The following TBC1D5 variants were observed in gnomAD, a reference collection of about 807,000 sequenced individuals.
The protein encoded by TBC1D5 is TBC1 domain family member 5.
In TBC1D5, 75 loss-of-function variants were observed where a neutral mutation model predicts 100.3. The ratio of observed to expected loss-of-function variants is 0.75; its 90% CI spans 0.62 to 0.91. The LOEUF (loss-of-function observed/expected upper bound fraction) is 0.91, where lower values mean the gene tolerates loss of function less well. Ranked by LOEUF, TBC1D5 falls within the 40% of genes least tolerant of loss-of-function variation. TBC1D5 has a pLI of 0.00. For missense variants in TBC1D5, 910 were observed against 942.4 expected (o/e 0.97, Z 0.45); for synonymous variants, 323 against 325.6 (o/e 0.99, Z 0.09).
At position 17,304,574 on chromosome 3, in the gene TBC1D5, A is replaced by G. The variant is rs115183839; in HGVS notation, c.1138+3418T>C. 2.8e-3 allele frequency among the ~76,000 whole-genome samples: 425 copies of G among 152,122 alleles called. 2 individuals are homozygous for G. The highest frequency in any genetic ancestry group is 9.6e-3 in the African/African-American group (400 of 41,498). On this transcript the variant is annotated intron_variant, in intron 14 of 21. Coordinates refer to ENST00000253692, the Ensembl canonical transcript of TBC1D5. ...AGGCACAAGCCACTATACCCGGCCA[A>G]ATTTTATTTTTTGTAGAGATGGGGT... is the stretch of plus-strand genomic sequence containing the variant.
At chr3:17,653,387 A>C (rs953985492) in intron 1 of TBC1D5, among the ~76,000 whole-genome samples, 5 of 152,180 alleles carry the variant, frequency 3.3e-5, no homozygotes, top group Admixed American at 6.5e-5. Context: ...TGATACACTG[A>C]GTGTATCAGA....
At chr3:17,171,159 G>T (rs370405866) in intron 19 of TBC1D5, among the ~76,000 whole-genome samples, 1 of 152,158 alleles carries the variant, frequency 6.6e-6, no homozygotes, top group South Asian at 2.1e-4. Flanking sequence ...GGGGTAAGTT[G>T]AGAAGGAGTG....
chr3:17,374,646 A>G lies in TBC1D5; in HGVS notation c.735T>C (p.Tyr245=), dbSNP rs1197073194. The G allele has an allele frequency of 2.5e-6, 4 of 1,611,248 alleles. No individual in the cohort carries two copies. In the African/African-American group the frequency reaches 5.3e-5, roughly 22 times the overall value. ...GTACTTACTAGGCATCATGTTCCAG[A>G]TACTCAGGGTTCAAGACAGTTTTCA... The change falls in exon 11 of 22, where the codon TAT becomes TAC. Residue 245 remains tyrosine, a synonymous_variant. Transcript: ENST00000253692.
intron 13 of TBC1D5, among the ~76,000 whole-genome samples, chr3:17,364,692 T>C (rs1432321071): frequency 2.6e-5 from 4 of 152,186 alleles, no homozygotes; most frequent in African/African-American, 9.7e-5. Flanking sequence ...CATTTATGTA[T>C]AGTACCATAA....
At chr3:17,641,295 A>C (rs1452496822) in intron 1 of TBC1D5, among the ~76,000 whole-genome samples, 6 of 152,046 alleles carry the variant, frequency 3.9e-5, no homozygotes, top group African/African-American at 1.4e-4. Flanking sequence ...AAATACACAA[A>C]CTACATTCTG....
At chr3:17,656,593 T>C (rs903169072) in intron 1 of TBC1D5, among the ~76,000 whole-genome samples, 1 of 152,132 alleles carries the variant, frequency 6.6e-6, no homozygotes, top group African/African-American at 2.4e-5. Context: ...ACACACATCT[T>C]TTAAACATGA....
intron 2 of TBC1D5, among the ~76,000 whole-genome samples, chr3:17,592,725 T>C (rs2060310427): frequency 6.6e-6 from 1 of 152,194 alleles, no homozygotes; most frequent in African/African-American, 2.4e-5. Flanking sequence ...CCAGTGGTCC[T>C]TGAGGTGTCA....
At chr3:17,157,500 C>T (rs1266258366) in exon 22 of TBC1D5, 1 of 152,292 alleles carries the variant, frequency 6.6e-6, no homozygotes, top group Non-Finnish European at 1.5e-5. Flanking sequence ...GTGCCATCCT[C>T]AATGTATCCG....
At chr3:17,472,285 C>T (rs181223093) in intron 3 of TBC1D5, among the ~76,000 whole-genome samples, 135 of 151,834 alleles carry the variant, frequency 8.9e-4, no homozygotes, top group African/African-American at 3.0e-3. Context: ...ACTACAGGCA[C>T]GCGCCACCAC....
intron 3 of TBC1D5, among the ~76,000 whole-genome samples, chr3:17,436,289 A>T (rs2094533998): frequency 6.6e-6 from 1 of 152,094 alleles, no homozygotes; most frequent in Admixed American, 6.5e-5. Flanking sequence ...GGTAAGAAAG[A>T]TTAAATGAGA....
chr3:17,429,183 A>G (rs1394804067), intron 3 of TBC1D5, among the ~76,000 whole-genome samples: 4 of 151,996 alleles, frequency 2.6e-5, no homozygotes, highest in Non-Finnish European at 5.9e-5. Flanking sequence ...TCAAAAATCT[A>G]TCATATTCAT....
chr3:17,369,253 T>C (rs916515471), intron 13 of TBC1D5, among the ~76,000 whole-genome samples: 1 of 151,574 alleles, frequency 6.6e-6, no homozygotes, highest in Admixed American at 6.6e-5. Context: ...AAAGACAGAG[T>C]TGGAAGGGCT....
At chr3:17,555,534 A>T (rs895161253) in intron 2 of TBC1D5, among the ~76,000 whole-genome samples, 1 of 152,164 alleles carries the variant, frequency 6.6e-6, no homozygotes, top group Non-Finnish European at 1.5e-5. Context: ...TCTCCTATTA[A>T]ATCTTTAAAA....
intron 8 of TBC1D5, among the ~76,000 whole-genome samples, chr3:17,385,269 G>A (rs1388941366): frequency 6.6e-6 from 1 of 152,058 alleles, no homozygotes; most frequent in Non-Finnish European, 1.5e-5. Context: ...TAGGTAATGA[G>A]ATTGCAAATC....
chr3:17,189,015 C>T (rs1430889035), intron 18 of TBC1D5, among the ~76,000 whole-genome samples: 1 of 152,188 alleles, frequency 6.6e-6, no homozygotes, highest in African/African-American at 2.4e-5. Context: ...GAAATAGACA[C>T]AGCTGGGTTC....
chr3:17,585,278 G>A (rs113255611), intron 2 of TBC1D5, among the ~76,000 whole-genome samples: 9 of 152,288 alleles, frequency 5.9e-5, no homozygotes, highest in Admixed American at 2.0e-4. Flanking sequence ...ATTCTAACTT[G>A]ATATTCAGGA....
At chr3:17,548,935 T>C (rs2096446546) in intron 2 of TBC1D5, among the ~76,000 whole-genome samples, 2 of 152,244 alleles carry the variant, frequency 1.3e-5, no homozygotes. Context: ...TTGAAAATTA[T>C]TTTAGACAGT....
chr3:17,210,883 A>G (rs1025347672), intron 18 of TBC1D5, among the ~76,000 whole-genome samples: 4 of 151,438 alleles, frequency 2.6e-5, no homozygotes, highest in African/African-American at 9.7e-5. Context: ...TTTATATTCT[A>G]TTTTCAGGGG....
At chr3:17,355,251 C>CT (rs1373216475) in intron 13 of TBC1D5, among the ~76,000 whole-genome samples, 1 of 152,156 alleles carries the variant, frequency 6.6e-6, no homozygotes, top group Non-Finnish European at 1.5e-5. Context: ...GCCCAGGGTG[C>CT]TACCCTATCA....
Sources: gnomAD v4.1 joint callset for allele counts (sites outside exome capture counted in the v4.1 genomes callset) on GRCh38, gnomAD v4.1.1 for gene constraint, MANE v1.5 for transcripts, NCBI Gene and HGNC (gene_info 2026-07-23, HGNC 2026-07-21) for gene names.